Variants in JARID2 observed in about 807,000 individuals in gnomAD.
JARID2 encodes the protein jumonji and AT-rich interaction domain containing 2, also known as protein Jumonji.
Under a neutral mutation model 125.6 loss-of-function variants are expected in JARID2, and 21 were observed. The observed-to-expected ratio is 0.17, with a 90% CI of 0.12 to 0.24. JARID2 has a LOEUF of 0.24. Ranked by LOEUF, JARID2 falls within the 10% of genes least tolerant of loss-of-function variation. The pLI, the probability that JARID2 is intolerant of heterozygous loss-of-function variation, is 1.00. For synonymous variants in JARID2, 736 were observed against 661.6 expected (o/e 1.11, Z -1.73); for missense variants, 1,303 against 1,639.6 (o/e 0.79, Z 3.55).
intron 1 of JARID2, among the ~76,000 whole-genome samples, chr6:15,309,064 A>G (rs988393911): frequency 6.6e-6 from 1 of 152,222 alleles, no homozygotes; most frequent in Admixed American, 6.5e-5. Context: ...TAGTTTAAGT[A>G]GCTGCAAGAT....
intron 3 of JARID2, among the ~76,000 whole-genome samples, chr6:15,412,756 G>C (rs894699198): frequency 6.6e-6 from 1 of 152,196 alleles, no homozygotes; most frequent in African/African-American, 2.4e-5. Context: ...CTTGGGACCT[G>C]AATTTCCAGA....
intron 1 of JARID2, among the ~76,000 whole-genome samples, chr6:15,338,172 G>A (rs1263594936): frequency 6.6e-6 from 1 of 152,190 alleles, no homozygotes; most frequent in African/African-American, 2.4e-5. Context: ...GGGATAAGAA[G>A]TGGAGAGTGA....
At chr6:15,397,343 A>G (rs1338417968) in intron 2 of JARID2, among the ~76,000 whole-genome samples, 1 of 152,166 alleles carries the variant, frequency 6.6e-6, no homozygotes, top group Non-Finnish European at 1.5e-5. Flanking sequence ...GATCATTACA[A>G]TTCTGTATTA....
At chr6:15,283,122 G>A (rs1159921429) in intron 1 of JARID2, among the ~76,000 whole-genome samples, 4 of 151,550 alleles carry the variant, frequency 2.6e-5, no homozygotes, top group East Asian at 3.9e-4. Flanking sequence ...GGGACTACAG[G>A]CGCCCGCCAC....
intron 6 of JARID2, among the ~76,000 whole-genome samples, chr6:15,489,738 C>G (rs1217852926): frequency 6.6e-6 from 1 of 152,216 alleles, no homozygotes; most frequent in Non-Finnish European, 1.5e-5. Flanking sequence ...CCTCTGTCCT[C>G]TGAGTTAGTG....
chr6:15,282,843 G>A (rs139389277), intron 1 of JARID2, among the ~76,000 whole-genome samples: 2 of 151,906 alleles, frequency 1.3e-5, no homozygotes, highest in Non-Finnish European at 2.9e-5. Flanking sequence ...TCAAGTGATC[G>A]GTCCACCTCG....
At chr6:15,372,222 A>C (rs1764197163) in intron 1 of JARID2, among the ~76,000 whole-genome samples, 1 of 152,116 alleles carries the variant, frequency 6.6e-6, no homozygotes, top group African/African-American at 2.4e-5. Flanking sequence ...AGTGTTAGGG[A>C]GGAAAAACCA....
chr6:15,393,994 T>G (rs1032106699), intron 2 of JARID2, among the ~76,000 whole-genome samples: 7 of 152,120 alleles, frequency 4.6e-5, no homozygotes, highest in Non-Finnish European at 8.8e-5. Flanking sequence ...GCTTGTTAAA[T>G]TCAGTGCTCG....
At chr6:15,253,596 C>T (rs936524870) in intron 1 of JARID2, among the ~76,000 whole-genome samples, 15 of 151,988 alleles carry the variant, frequency 9.9e-5, no homozygotes, top group Non-Finnish European at 2.9e-5. Flanking sequence ...ACTGGCAGCT[C>T]GACTACCACT....
intron 1 of JARID2, among the ~76,000 whole-genome samples, chr6:15,259,284 C>G (rs761935514): frequency 2.0e-5 from 3 of 152,168 alleles, no homozygotes; most frequent in Non-Finnish European, 4.4e-5. Context: ...TTACACTGCC[C>G]AGAGCACTAA....
chr6:15,401,021 T>A (rs1235509900), intron 2 of JARID2: 1 of 1,289,436 alleles, frequency 7.8e-7, no homozygotes, highest in African/African-American at 1.5e-5. Context: ...ATAGAAGGTC[T>A]GTTCCTATAA....
chr6:15,517,348 C>A, intron 17 of JARID2, 80 bp downstream of exon 17: 1 of 957,874 alleles, frequency 1.0e-6, no homozygotes, highest in Non-Finnish European at 1.7e-6. Flanking sequence ...GCACTCCGGC[C>A]TGGCAGTTCT....
intron 1 of JARID2, among the ~76,000 whole-genome samples, chr6:15,341,059 T>G (rs1763055227): frequency 6.6e-6 from 1 of 152,222 alleles, no homozygotes; most frequent in Non-Finnish European, 1.5e-5. Flanking sequence ...AAGGAAGTCT[T>G]TTCTTTTATA....
chr6:15,251,675 T>C (rs958628792), intron 1 of JARID2, among the ~76,000 whole-genome samples: 4 of 152,174 alleles, frequency 2.6e-5, no homozygotes, highest in Admixed American at 6.5e-5. Context: ...TTAAGTATTA[T>C]GTCAACCTTG....
chr6:15,478,486 A>G (rs1471494951), intron 5 of JARID2, among the ~76,000 whole-genome samples: 2 of 151,256 alleles, frequency 1.3e-5, no homozygotes, highest in Admixed American at 1.3e-4. Flanking sequence ...TAACTTGTAT[A>G]GTCAATTGTG....
At chr6:15,404,541 AC>A (rs1561840129) in intron 2 of JARID2, among the ~76,000 whole-genome samples, 12 of 141,526 alleles carry the variant, frequency 8.5e-5, no homozygotes, top group African/African-American at 3.0e-4. Context: ...ACACACACAC[AC>A]ACACACACAC....
At chr6:15,295,311 C>T (rs1448506887) in intron 1 of JARID2, among the ~76,000 whole-genome samples, 4 of 151,710 alleles carry the variant, frequency 2.6e-5, no homozygotes, top group South Asian at 2.1e-4. Flanking sequence ...TTAGTAGAGA[C>T]GGGATTTCAC....
intron 1 of JARID2, among the ~76,000 whole-genome samples, chr6:15,289,991 A>C (rs764384009): frequency 6.6e-6 from 1 of 152,222 alleles, no homozygotes; most frequent in South Asian, 2.1e-4. Flanking sequence ...TTCTCAGACA[A>C]ATTAGTGAGC....
intron 2 of JARID2, among the ~76,000 whole-genome samples, chr6:15,388,354 T>G (rs559987198): frequency 5.3e-5 from 8 of 152,078 alleles, no homozygotes; most frequent in African/African-American, 1.2e-4. Flanking sequence ...TCTGGGAAAT[T>G]ACCCTACAGT....
Sources: gnomAD v4.1 joint callset for allele counts (sites outside exome capture counted in the v4.1 genomes callset) on GRCh38, gnomAD v4.1.1 for gene constraint, MANE v1.5 for transcripts, NCBI Gene and HGNC (gene_info 2026-07-23, HGNC 2026-07-21) for gene names.